Variants in SLAIN2 observed in about 807,000 individuals in gnomAD.
SLAIN2 encodes SLAIN family member 2, also known as SLAIN motif-containing protein 2.
A neutral mutation model predicts 56.6 loss-of-function variants in SLAIN2; 31 were observed. That is an observed-to-expected ratio of 0.55 (90% CI 0.41 to 0.74). The LOEUF (loss-of-function observed/expected upper bound fraction) is 0.74, where lower values mean the gene tolerates loss of function less well. SLAIN2 is among the 30% of genes least tolerant of loss of function. The pLI is 0.00. For missense variants in SLAIN2, 777 were observed against 754.2 expected, an observed-to-expected ratio of 1.03 and a Z score of -0.35; for synonymous variants, 317 against 284.9, an observed-to-expected ratio of 1.11 and a Z score of -1.13.
chr4:48,364,665 G>A (rs1465812929), intron 1 of SLAIN2, among the ~76,000 whole-genome samples: 1 of 120,806 alleles, frequency 8.3e-6, no homozygotes, highest in South Asian at 3.2e-4. Context: ...CTCGCGGTTA[G>A]GGGCTGGAGA....
intron 6 of SLAIN2, among the ~76,000 whole-genome samples, chr4:48,409,064 A>G (rs1716779208): frequency 1.3e-5 from 2 of 152,188 alleles, no homozygotes; most frequent in African/African-American, 2.4e-5. Context: ...TTTTGTGTGT[A>G]CATAGTAGGT....
intron 2 of SLAIN2, among the ~76,000 whole-genome samples, chr4:48,376,333 T>C (rs1236847874): frequency 6.6e-6 from 1 of 151,782 alleles, no homozygotes; most frequent in Admixed American, 6.6e-5. Flanking sequence ...CACATGCCTG[T>C]ATTCCCAGCT....
chr4:48,419,036 G>A (rs1418642659), intron 6 of SLAIN2, among the ~76,000 whole-genome samples: 1 of 151,822 alleles, frequency 6.6e-6, no homozygotes, highest in Non-Finnish European at 1.5e-5. Context: ...GGACATTTGA[G>A]CTTTTTTCAG....
At chr4:48,388,760 T>A (rs1716161823) in intron 6 of SLAIN2, among the ~76,000 whole-genome samples, 1 of 152,250 alleles carries the variant, frequency 6.6e-6, no homozygotes, top group African/African-American at 2.4e-5. Flanking sequence ...CTTGAATGAC[T>A]GTCAGACCAT....
chr4:48,384,759 TAAATC>T (rs1228419606), intron 6 of SLAIN2, among the ~76,000 whole-genome samples: 2 of 152,208 alleles, frequency 1.3e-5, no homozygotes, highest in East Asian at 1.9e-4. Context: ...AGTAGTATGT[TAAATC>T]AATACAGGCA....
At chr4:48,368,711 T>A (rs898109112) in intron 1 of SLAIN2, among the ~76,000 whole-genome samples, 1 of 152,246 alleles carries the variant, frequency 6.6e-6, no homozygotes, top group African/African-American at 2.4e-5. Context: ...AGTTATTCCA[T>A]AAATTGAGAT....
chr4:48,366,821 G>T (rs992542605), intron 1 of SLAIN2, among the ~76,000 whole-genome samples: 1 of 151,874 alleles, frequency 6.6e-6, no homozygotes, highest in Admixed American at 6.6e-5. Context: ...AGTAATGTTT[G>T]TTTTTTTAAG....
intron 6 of SLAIN2, 120 bp downstream of exon 6, chr4:48,383,904 A>G (rs978539442): frequency 9.9e-6 from 11 of 1,106,004 alleles, no homozygotes; most frequent in African/African-American, 7.9e-5. Context: ...AACCATAGCT[A>G]TAGTAAAATT....
intron 1 of SLAIN2, among the ~76,000 whole-genome samples, chr4:48,360,137 G>A (rs1365715470): frequency 2.0e-5 from 3 of 147,716 alleles, no homozygotes; most frequent in African/African-American, 7.4e-5. Context: ...CTGGGTGGCA[G>A]AGCGAGACTC....
chr4:48,371,952 AAAAC>A (rs776801371), intron 2 of SLAIN2, among the ~76,000 whole-genome samples: 24 of 146,114 alleles, frequency 1.6e-4, no homozygotes, highest in South Asian at 4.4e-4. Context: ...AAAACAAAAC[AAAAC>A]AAACAAAAAG....
chr4:48,420,417 C>A lies in SLAIN2; in HGVS notation c.1653C>A (p.Arg551=). The A allele has an allele frequency of 6.2e-7, 1 of 1,613,976 alleles. No homozygotes were observed. The highest frequency in any genetic ancestry group is 8.5e-7 in the Non-Finnish European group (1 of 1,179,858). The change falls in exon 7 of 8, where the codon CGC becomes CGA. Residue 551 remains arginine, a synonymous_variant. Coordinates refer to ENST00000264313, the MANE Select transcript of SLAIN2 (RefSeq NM_020846.2). ...APSAGGIPVP[R]SKLAQPVRRS... is the part of the protein sequence containing the mutation. Reference sequence around the variant, plus strand: ...CTGCTGGGGGCATACCAGTGCCTCGCAGCAAACTTGCACAGCCTGTTCGCA... The same window carrying A: ...CTGCTGGGGGCATACCAGTGCCTCGAAGCAAACTTGCACAGCCTGTTCGCA...
At chr4:48,342,180 AG>A in intron 1 of SLAIN2, 52 bp downstream of exon 1, 1 of 1,328,862 alleles carries the variant, frequency 7.5e-7, no homozygotes, top group Non-Finnish European at 9.6e-7. Context: ...CCGGGGGCGG[AG>A]AGCGTCCTCT....
intron 1 of SLAIN2, 127 bp from the exon 2 acceptor site, chr4:48,369,722 G>C: frequency 1.3e-6 from 1 of 753,002 alleles, no homozygotes; most frequent in Non-Finnish European, 2.0e-6. Flanking sequence ...GTAAATGTGG[G>C]TGATTTAAAA....
Position 48,397,219 on chromosome 4 carries a change from C to T in SLAIN2, c.1360+13435C>T, listed in dbSNP as rs527808914. 1.2e-3 allele frequency among the ~76,000 whole-genome samples: 189 copies of T among 152,176 alleles called. 5 individuals carry two copies. The highest frequency in any genetic ancestry group is 3.5e-4 in the Non-Finnish European group (24 of 68,028). ...AGAGATAACAGGATATTAATTCCTT[C>T]TTAGTTGCCTCTTTCCTTCTAAACA... On this transcript the variant is annotated intron_variant, in intron 6 of 7. Transcript: ENST00000264313.
At chr4:48,370,051 AC>A (rs1334916007) in intron 2 of SLAIN2, 54 bp downstream of exon 2, 3 of 1,564,748 alleles carry the variant, frequency 1.9e-6, no homozygotes, top group Non-Finnish European at 2.6e-6. Context: ...TTAGTCAAAA[AC>A]CATAAATATT....
In SLAIN2 at chr4:48,424,550, T is replaced by C. The variant is rs540425380; in HGVS notation, c.*2473T>C. ...TTGAATGTTATTTTTTGTAAGTGTG[T>C]TAATAAAAGTGTAAAGAATTGGAAA... On this transcript the variant is annotated 3_prime_UTR_variant, in exon 8 of 8. Coordinates refer to ENST00000264313, the MANE Select transcript of SLAIN2 (RefSeq NM_020846.2). 1 of 152,286 alleles carries C rather than the reference T, an allele frequency of 6.6e-6. No individual in the cohort carries two copies. The highest frequency in any genetic ancestry group is 1.5e-5 in the Non-Finnish European group (1 of 67,998). 9.4% of individuals were successfully genotyped at this position (152,286 alleles called of 1,614,324 possible).
intron 1 of SLAIN2, among the ~76,000 whole-genome samples, chr4:48,354,620 C>T (rs1715108330): frequency 6.6e-6 from 1 of 151,920 alleles, no homozygotes; most frequent in Non-Finnish European, 1.5e-5. Context: ...ACACCCACCA[C>T]CACATTCAGC....
intron 1 of SLAIN2, among the ~76,000 whole-genome samples, chr4:48,351,883 G>A (rs142626958): frequency 2.0e-5 from 3 of 152,322 alleles, no homozygotes; most frequent in African/African-American, 4.8e-5. Flanking sequence ...TGAGAGCCGG[G>A]ACTTTGGATT....
At chr4:48,420,925 CAG>C (rs1338896174) in intron 7 of SLAIN2, among the ~76,000 whole-genome samples, 1 of 152,156 alleles carries the variant, frequency 6.6e-6, no homozygotes, top group African/African-American at 2.4e-5. Context: ...GTTTTACCTT[CAG>C]AGAGTCTAAC....
Sources: allele counts gnomAD v4.1 joint callset (sites outside exome capture counted in the v4.1 genomes callset), GRCh38; gene constraint gnomAD v4.1.1; transcripts MANE v1.5; gene names NCBI Gene and HGNC (gene_info 2026-07-23, HGNC 2026-07-21).